GRM1: variants seen among roughly 807,000 people sequenced by gnomAD.
The protein encoded by GRM1 is metabotropic glutamate receptor 1.
A neutral mutation model predicts 90.9 loss-of-function variants in GRM1; 33 were observed. The ratio of observed to expected loss-of-function variants is 0.36; its 90% CI spans 0.28 to 0.49. The LOEUF (loss-of-function observed/expected upper bound fraction) is 0.49, where lower values mean the gene tolerates loss of function less well. Ranked by LOEUF, GRM1 falls within the 20% of genes least tolerant of loss-of-function variation. The pLI is 0.99. For missense variants in GRM1, 1,190 were observed against 1,534.3 expected (o/e 0.78, Z 3.75); for synonymous variants, 700 against 613.2 (o/e 1.14, Z -2.09).
In GRM1 at chr6:146,434,261, T is replaced by C; in HGVS notation, c.3050T>C (p.Leu1017Pro). ...CTCCCCAAGGGCTTGCCCCCTCCTCTCCAGCAGCAGCAGCAACCCCCTCCA... is the reference window on the plus strand; with the variant it reads ...CTCCCCAAGGGCTTGCCCCCTCCTCCCCAGCAGCAGCAGCAACCCCCTCCA... ...PALPKGLPPPLQQQQQPPPQQ... is the reference protein window; with the variant it reads ...PALPKGLPPPPQQQQQPPPQQ... Residue 1017 changes from leucine to proline, a missense_variant, in exon 8 of 8, where the codon CTC becomes CCC. Around this residue, in one of 10 missense-constraint regions of GRM1, gnomAD observed 400 missense variants for 360.8 expected, o/e 1.11. Coordinates refer to ENST00000282753, the MANE Select transcript of GRM1 (RefSeq NM_001278064.2). 6.3e-7 allele frequency: 1 copy of C among 1,599,746 alleles called. No individual in the cohort carries two copies. Among genetic ancestry groups the C allele is most frequent in the Non-Finnish European group, 8.5e-7 (1 of 1,171,128 alleles).
intron 1 of GRM1, among the ~76,000 whole-genome samples, chr6:146,124,888 G>C (rs9373486): frequency 0.37 from 56,392 of 151,944 alleles, 11,172 homozygotes; most frequent in Middle Eastern, 0.52. Flanking sequence ...ACATTGCTTA[G>C]GTTTCTTGAA....
intron 2 of GRM1, among the ~76,000 whole-genome samples, chr6:146,271,975 G>A (rs867732935): frequency 5.0e-4 from 76 of 152,230 alleles, no homozygotes; most frequent in African/African-American, 1.8e-3. Context: ...TGAAGAAAAT[G>A]GCAGTTCCTT....
intron 1 of GRM1, among the ~76,000 whole-genome samples, chr6:146,102,518 T>G (rs959508234): frequency 6.6e-5 from 10 of 152,218 alleles, no homozygotes; most frequent in Non-Finnish European, 1.0e-4. Flanking sequence ...ATCATAGAAC[T>G]GTTTTTATCA....
chr6:146,075,462 G>T (rs557167897), intron 1 of GRM1, among the ~76,000 whole-genome samples: 1 of 152,318 alleles, frequency 6.6e-6, no homozygotes, highest in African/African-American at 2.4e-5. Context: ...GCTAAATGCT[G>T]TGAGACTACA....
At chr6:146,248,075 A>C (rs1781135458) in intron 2 of GRM1, among the ~76,000 whole-genome samples, 1 of 151,658 alleles carries the variant, frequency 6.6e-6, no homozygotes, top group African/African-American at 2.4e-5. Context: ...GAAATACTAG[A>C]TCTTTAGACA....
chr6:146,339,388 C>T (rs1012854014), intron 3 of GRM1, among the ~76,000 whole-genome samples: 19 of 152,068 alleles, frequency 1.2e-4, no homozygotes, highest in African/African-American at 4.6e-4. Context: ...GAACTTTTCC[C>T]TTTCATTTTT....
intron 3 of GRM1, among the ~76,000 whole-genome samples, chr6:146,341,643 G>T (rs939137270): frequency 9.9e-5 from 15 of 152,284 alleles, no homozygotes; most frequent in African/African-American, 3.1e-4. Flanking sequence ...AGAAAGCAAA[G>T]TTCCCCAAAG....
chr6:146,337,251 T>G (rs1015995613), intron 3 of GRM1, among the ~76,000 whole-genome samples: 1 of 152,184 alleles, frequency 6.6e-6, no homozygotes, highest in Non-Finnish European at 1.5e-5. Context: ...CCAGTCTCTC[T>G]CATGTCCCAG....
At chr6:146,092,086 G>A (rs369839944) in intron 1 of GRM1, among the ~76,000 whole-genome samples, 66 of 152,160 alleles carry the variant, frequency 4.3e-4, no homozygotes, top group African/African-American at 1.0e-3. Flanking sequence ...CAAAAATACC[G>A]TAGTTTGGGT....
chr6:146,420,665 G>T (rs577577413), intron 7 of GRM1, among the ~76,000 whole-genome samples: 5 of 152,268 alleles, frequency 3.3e-5, no homozygotes, highest in Admixed American at 2.6e-4. Flanking sequence ...ACAGACAATA[G>T]AAGCAGACCC....
chr6:146,323,050 C>G (rs7748500), intron 3 of GRM1, among the ~76,000 whole-genome samples: 9 of 152,012 alleles, frequency 5.9e-5, no homozygotes, highest in African/African-American at 1.9e-4. Context: ...GTGAATGTCC[C>G]GCTATAAACG....
chr6:146,361,599 A>C (rs1775474215), intron 5 of GRM1, among the ~76,000 whole-genome samples: 1 of 152,216 alleles, frequency 6.6e-6, no homozygotes, highest in Non-Finnish European at 1.5e-5. Flanking sequence ...AAGCAAGTAC[A>C]ATAGATGATT....
intron 1 of GRM1, among the ~76,000 whole-genome samples, chr6:146,054,108 C>T (rs1775398981): frequency 6.6e-6 from 1 of 152,058 alleles, no homozygotes; most frequent in South Asian, 2.1e-4. Flanking sequence ...CAATAAATTA[C>T]AGAACCTTGA....
At chr6:146,109,624 T>G (rs1775472362) in intron 1 of GRM1, among the ~76,000 whole-genome samples, 1 of 152,130 alleles carries the variant, frequency 6.6e-6, no homozygotes, top group Non-Finnish European at 1.5e-5. Flanking sequence ...CACCGCCTAG[T>G]GGAGCTGTGA....
chr6:146,321,502 A>G (rs1307201443), intron 3 of GRM1, among the ~76,000 whole-genome samples: 2 of 152,196 alleles, frequency 1.3e-5, no homozygotes, highest in African/African-American at 2.4e-5. Context: ...TCCAGAGCTG[A>G]GTTCAAGTCC....
chr6:146,209,022 ACGATAT>A (rs1286413596), intron 2 of GRM1, among the ~76,000 whole-genome samples: 11 of 152,148 alleles, frequency 7.2e-5, no homozygotes. Context: ...TAGTTACAAA[ACGATAT>A]CATATTTATT....
intron 3 of GRM1, among the ~76,000 whole-genome samples, chr6:146,323,336 G>A: frequency 6.6e-6 from 1 of 152,138 alleles, no homozygotes; most frequent in Middle Eastern, 3.2e-3. Flanking sequence ...TTCTTTGATG[G>A]CCGGTGATGA....
At chr6:146,080,487 A>G (rs1776327709) in intron 1 of GRM1, among the ~76,000 whole-genome samples, 2 of 152,160 alleles carry the variant, frequency 1.3e-5, no homozygotes, top group South Asian at 2.1e-4. Flanking sequence ...CATTCCTCAT[A>G]CTAGAAAAGG....
chr6:146,305,962 A>G (rs1783565074), intron 3 of GRM1, among the ~76,000 whole-genome samples: 1 of 152,324 alleles, frequency 6.6e-6, no homozygotes, highest in South Asian at 2.1e-4. Context: ...AATATGGCTA[A>G]TTACATAAAA....
Sources: gnomAD v4.1 joint callset for allele counts (sites outside exome capture counted in the v4.1 genomes callset) on GRCh38, gnomAD v4.1.1 for gene constraint, gnomAD v4.1.1 regional missense constraint, MANE v1.5 for transcripts, NCBI Gene and HGNC (gene_info 2026-07-23, HGNC 2026-07-21) for gene names.